ERCC6L2: variants seen among roughly 807,000 people sequenced by gnomAD.
The protein encoded by ERCC6L2 is ERCC excision repair 6 like 2.
ERCC6L2 carries 77 observed loss-of-function variants against 132.0 expected under a neutral mutation model. The observed-to-expected ratio is 0.58, with a 90% CI of 0.49 to 0.71. The LOEUF is 0.71. ERCC6L2 is among the 30% of genes least tolerant of loss of function. The probability of loss-of-function intolerance (pLI) is 0.00; values close to 1 mark genes in which losing one functional copy is unlikely to be tolerated. For synonymous variants in ERCC6L2, 583 were observed against 632.4 expected (o/e 0.92, Z 1.17); for missense variants, 1,542 against 1,837.6 (o/e 0.84, Z 2.94).
chr9:95,972,919 T>C lies in ERCC6L2; in HGVS notation c.3168T>C (p.Ser1056=), dbSNP rs1206831088. The change falls in exon 16 of 19, where the codon TCT becomes TCC. Residue 1056 remains serine (S), a synonymous_variant. Transcript: ENST00000653738. ...TATCCGTCAGCCACTTCAGTTTCTC[T>C]AAACAGAGCCACAGACCAAGAACTA... The part of the protein sequence containing the change: ...ESLSVSHFSF[S]KQSHRPRTIR... The C allele has an allele frequency of 7.7e-7, 1 of 1,306,282 alleles. No individual in the cohort carries two copies. The allele number at this position is 1,306,282 out of a possible 1,614,324, so 80.9% of individuals were successfully genotyped here. A position where few individuals can be genotyped will look rare whatever the true frequency, so the allele number is the denominator to read the frequency against.
At chr9:96,004,078 A>C (rs1048744181) in intron 17 of ERCC6L2, among the ~76,000 whole-genome samples, 6 of 152,202 alleles carry the variant, frequency 3.9e-5, no homozygotes, top group African/African-American at 1.4e-4. Flanking sequence ...TTATTTATTT[A>C]ATTATTACAT....
intron 11 of ERCC6L2, among the ~76,000 whole-genome samples, chr9:95,933,845 CAAAAAAAAAAA>C (rs10609411): frequency 1.7e-5 from 2 of 119,504 alleles, no homozygotes; most frequent in Non-Finnish European, 3.5e-5. Context: ...GACTCTGTCT[CAAAAAAAAAAA>C]AAAAAAAAGA....
intron 12 of ERCC6L2, among the ~76,000 whole-genome samples, chr9:95,950,435 A>G (rs1831276522): frequency 6.6e-6 from 1 of 152,166 alleles, no homozygotes; most frequent in African/African-American, 2.4e-5. Flanking sequence ...TAGGGGCAAA[A>G]TAGTTATAAG....
In ERCC6L2 at chr9:96,012,531, C is replaced by T. The variant is rs1834064781; in HGVS notation, c.3981C>T (p.Cys1327=). ...KDSTNKISQV[C]SLKTYKRKSV... is the part of the protein sequence containing the mutation. The stretch of plus-strand genomic sequence containing the variant: ...CTACCAACAAAATTTCTCAAGTTTG[C>T]AGCCTAAAAACATATAAAAGAAAAT... The change falls in exon 19 of 19, where the codon TGC becomes TGT. Residue 1327 remains cysteine (C), a synonymous_variant. Transcript: ENST00000653738. 1 of 1,367,266 alleles carries T rather than the reference C, an allele frequency of 7.3e-7. No homozygotes were observed. Among genetic ancestry groups the T allele is most frequent in the African/African-American group, 1.5e-5 (1 of 67,716 alleles). The allele number at this position is 1,367,266 out of a possible 1,614,324, so 84.7% of individuals were successfully genotyped here.
At chr9:95,952,561 AAAAC>A (rs1831387446) in intron 12 of ERCC6L2, among the ~76,000 whole-genome samples, 1 of 152,236 alleles carries the variant, frequency 6.6e-6, no homozygotes, top group Admixed American at 6.5e-5. Context: ...AAAGATGACA[AAAAC>A]AACACATTAA....
chr9:95,943,678 A>G (rs1257526104), intron 12 of ERCC6L2, among the ~76,000 whole-genome samples: 1 of 152,164 alleles, frequency 6.6e-6, no homozygotes. Context: ...ACACAACCCA[A>G]TCTAACAATG....
chr9:96,011,759 G>A (rs1377358543), intron 18 of ERCC6L2, among the ~76,000 whole-genome samples: 1 of 152,164 alleles, frequency 6.6e-6, no homozygotes, highest in Non-Finnish European at 1.5e-5. Flanking sequence ...GTAAAAGAAG[G>A]GGAAAAGGAG....
downstream of ERCC6L2, among the ~76,000 whole-genome samples, chr9:96,023,036 C>T (rs376011080): frequency 6.8e-4 from 103 of 152,298 alleles, no homozygotes; most frequent in African/African-American, 2.4e-3. Context: ...TCCGGGGAGG[C>T]CGGTGGGATT....
intron 19 of ERCC6L2, among the ~76,000 whole-genome samples, chr9:96,024,515 C>A (rs1039169011): frequency 6.6e-6 from 1 of 152,238 alleles, no homozygotes; most frequent in African/African-American, 2.4e-5. Context: ...ACCTCTCCAG[C>A]GGTCTCTTTC....
chr9:95,944,701 C>T (rs565084192), intron 12 of ERCC6L2, among the ~76,000 whole-genome samples: 1 of 152,032 alleles, frequency 6.6e-6, no homozygotes, highest in African/African-American at 2.4e-5. Context: ...CCCTAAGTGT[C>T]GGCCGGTCTG....
At chr9:96,035,301 C>T (rs1051247316) in intron 19 of ERCC6L2, among the ~76,000 whole-genome samples, 1 of 152,178 alleles carries the variant, frequency 6.6e-6, no homozygotes, top group African/African-American at 2.4e-5. Flanking sequence ...GCCACTAGTC[C>T]CGCTGACCAG....
intron 3 of ERCC6L2, among the ~76,000 whole-genome samples, chr9:95,904,780 G>A (rs912698569): frequency 1.1e-4 from 17 of 152,112 alleles, no homozygotes; most frequent in African/African-American, 4.1e-4. Flanking sequence ...CTATGCCGTG[G>A]TTCCTGAGGA....
At chr9:95,876,133 G>A (rs558663065) in intron 1 of ERCC6L2, 49 bp downstream of exon 1, 2 of 1,506,578 alleles carry the variant, frequency 1.3e-6, no homozygotes, top group Non-Finnish European at 9.0e-7. Flanking sequence ...GTACTGCGTC[G>A]CGTTGGACCA....
At chr9:95,904,785 T>A (rs1031830484) in intron 3 of ERCC6L2, among the ~76,000 whole-genome samples, 1 of 152,208 alleles carries the variant, frequency 6.6e-6, no homozygotes, top group Non-Finnish European at 1.5e-5. Context: ...CCGTGGTTCC[T>A]GAGGAATCAG....
chr9:95,956,251 A>G (rs601916), intron 13 of ERCC6L2, among the ~76,000 whole-genome samples: 101,053 of 152,018 alleles, frequency 0.66, 34,600 homozygotes, highest in African/African-American at 0.82. Flanking sequence ...GCGAATTACC[A>G]AGGGATCTTG....
At chr9:95,993,734 A>G (rs1453080707) in intron 17 of ERCC6L2, among the ~76,000 whole-genome samples, 1 of 152,234 alleles carries the variant, frequency 6.6e-6, no homozygotes, top group East Asian at 1.9e-4. Context: ...TGGCTCACTC[A>G]GAAAGCAAAG....
At chr9:95,886,003 T>A (rs943060687) in intron 2 of ERCC6L2, among the ~76,000 whole-genome samples, 5 of 152,050 alleles carry the variant, frequency 3.3e-5, no homozygotes, top group Admixed American at 6.6e-5. Context: ...ACGTGAATCT[T>A]TTTTGTTGTT....
downstream of ERCC6L2, among the ~76,000 whole-genome samples, chr9:96,018,921 T>C (rs1834238421): frequency 6.6e-6 from 1 of 152,180 alleles, no homozygotes; most frequent in African/African-American, 2.4e-5. Flanking sequence ...TAGATAAGAA[T>C]CAAGAATGCT....
chr9:95,929,238 G>T (rs1830233727), intron 11 of ERCC6L2: 1 of 160,764 alleles, frequency 6.2e-6, no homozygotes, highest in Non-Finnish European at 1.4e-5. Context: ...GGGAGCCCTT[G>T]AGAGCCCACT....
Sources: gnomAD v4.1 joint callset for allele counts (sites outside exome capture counted in the v4.1 genomes callset) on GRCh38, gnomAD v4.1.1 for gene constraint, MANE v1.5 for transcripts, NCBI Gene and HGNC (gene_info 2026-07-23, HGNC 2026-07-21) for gene names.